PRCP: variants seen among roughly 807,000 people sequenced by gnomAD.
PRCP encodes the protein lysosomal Pro-X carboxypeptidase.
PRCP carries 46 observed loss-of-function variants against 54.2 expected under a neutral mutation model. The ratio of observed to expected loss-of-function variants is 0.85; its 90% confidence interval spans 0.67 to 1.09. The LOEUF (loss-of-function observed/expected upper bound fraction) is 1.09. Among genes scored for constraint, PRCP ranks in the 50% least tolerant of loss-of-function variants. The probability of loss-of-function intolerance (pLI) is 0.00; values close to 1 mark genes in which losing one functional copy is unlikely to be tolerated. For synonymous variants in PRCP, 240 were observed against 212.2 expected (o/e 1.13, Z -1.14); for missense variants, 613 against 596.8 (o/e 1.03, Z -0.28).
intron 1 of PRCP, among the ~76,000 whole-genome samples, chr11:82,867,724 TTTTG>T (rs1464035546): frequency 1.3e-5 from 2 of 152,156 alleles, no homozygotes; most frequent in Non-Finnish European, 2.9e-5. Context: ...ATTACTTTTT[TTTTG>T]TTTGTTCTCT....
At chr11:82,854,758 C>A (rs1254461410) in intron 2 of PRCP, among the ~76,000 whole-genome samples, 1 of 152,202 alleles carries the variant, frequency 6.6e-6, no homozygotes, top group Non-Finnish European at 1.5e-5. Flanking sequence ...CATCACACTA[C>A]CTGACTTCAA....
chr11:82,835,967 T>A, intron 8 of PRCP: 1 of 293,326 alleles, frequency 3.4e-6, no homozygotes, highest in Non-Finnish European at 6.7e-6. Flanking sequence ...CCGAGTCAGG[T>A]GGATCACAAG....
At chr11:82,844,882 A>G (rs185217180) in intron 6 of PRCP, among the ~76,000 whole-genome samples, 48 of 152,232 alleles carry the variant, frequency 3.2e-4, no homozygotes, top group Admixed American at 9.8e-4. Flanking sequence ...ACAATGCTTA[A>G]ATACACCTGC....
At chr11:82,884,890 A>T in intron 1 of PRCP, 1 of 1,613,148 alleles carries the variant, frequency 6.2e-7, no homozygotes, top group Non-Finnish European at 8.5e-7. Flanking sequence ...AAGGGCCTGC[A>T]GGAAGTAAAG....
At chr11:82,889,451 A>G (rs967574343) in intron 1 of PRCP, among the ~76,000 whole-genome samples, 1 of 152,072 alleles carries the variant, frequency 6.6e-6, no homozygotes, top group African/African-American at 2.4e-5. Flanking sequence ...AGAGAAAGAA[A>G]GAAGAGGAAG....
upstream of PRCP, chr11:82,900,611 C>T (rs571381997): frequency 1.4e-6 from 1 of 708,458 alleles, no homozygotes; most frequent in South Asian, 1.5e-5. Flanking sequence ...ACCGCCTCCA[C>T]TCCACTTTCC....
At chr11:82,838,218 A>T (rs150561697) in intron 8 of PRCP, among the ~76,000 whole-genome samples, 169 bp downstream of exon 8, 1 of 152,182 alleles carries the variant, frequency 6.6e-6, no homozygotes, top group Non-Finnish European at 1.5e-5. Context: ...AGAGCAAAAA[A>T]TCCTATCTCT....
Position 82,869,406 on chromosome 11 carries a change from G to A in PRCP, c.169-9289C>T, listed in dbSNP as rs181837736. 4.3e-3 allele frequency among the ~76,000 whole-genome samples: 655 copies of A among 150,952 alleles called. 3 individuals are homozygous for A. Among genetic ancestry groups the A allele is most frequent in the Non-Finnish European group, 7.1e-3 (479 of 67,696 alleles). ...AGAAGAAAAGAAAGAAGGAAGAAAGGAAGGAAGGAAAGAAAGAAAGCGGTA... is the reference window on the plus strand; with the variant it reads ...AGAAGAAAAGAAAGAAGGAAGAAAGAAAGGAAGGAAAGAAAGAAAGCGGTA... On this transcript the variant is annotated intron_variant, in intron 1 of 8. Coordinates refer to ENST00000313010, the MANE Select transcript of PRCP (RefSeq NM_005040.4).
At chr11:82,826,146 T>C (rs1469041376) in intron 8 of PRCP, 8 of 152,212 alleles carry the variant, frequency 5.3e-5, no homozygotes, top group Admixed American at 5.2e-4. Context: ...GCTCTCAGCC[T>C]CAGGAAACCA....
chr11:82,900,479 C>T, upstream of PRCP: 1 of 1,501,498 alleles, frequency 6.7e-7, no homozygotes, highest in Non-Finnish European at 9.0e-7. Flanking sequence ...AAGCCCTGCC[C>T]AGCCTGCAGC....
At chr11:82,856,533 C>T (rs1446898245) in intron 2 of PRCP, among the ~76,000 whole-genome samples, 2 of 152,042 alleles carry the variant, frequency 1.3e-5, no homozygotes, top group Non-Finnish European at 2.9e-5. Context: ...GCTAATAGTG[C>T]AGGGAGTGTG....
intron 1 of PRCP, among the ~76,000 whole-genome samples, chr11:82,875,335 G>C (rs989388221): frequency 2.6e-5 from 4 of 152,212 alleles, no homozygotes; most frequent in Admixed American, 2.0e-4. Flanking sequence ...TGAAGACCAA[G>C]TGACCTCACC....
chr11:82,895,982 A>C (rs1352134515), intron 1 of PRCP, among the ~76,000 whole-genome samples: 1 of 152,214 alleles, frequency 6.6e-6, no homozygotes, highest in Non-Finnish European at 1.5e-5. Flanking sequence ...CAACACACAG[A>C]CTTGTAACAG....
chr11:82,848,857 G>A (rs765625287), intron 6 of PRCP, among the ~76,000 whole-genome samples, 192 bp downstream of exon 6: 47 of 152,008 alleles, frequency 3.1e-4, no homozygotes, highest in African/African-American at 9.7e-4. Context: ...GGAAACTGAG[G>A]CTCAGAAAAG....
intron 1 of PRCP, among the ~76,000 whole-genome samples, chr11:82,898,997 AAT>A (rs1860184139): frequency 6.6e-6 from 1 of 152,000 alleles, no homozygotes; most frequent in African/African-American, 2.4e-5. Flanking sequence ...AAAATAAAAA[AAT>A]TTTTAAATTA....
intron 1 of PRCP, among the ~76,000 whole-genome samples, chr11:82,873,653 A>G (rs1023842269): frequency 8.5e-5 from 13 of 152,272 alleles, no homozygotes; most frequent in Admixed American, 2.6e-4. Context: ...TTTAAAAAAG[A>G]AAAAGTACAT....
intron 6 of PRCP, among the ~76,000 whole-genome samples, chr11:82,844,582 C>CA (rs1323005941): frequency 2.6e-5 from 4 of 151,506 alleles, no homozygotes; most frequent in Admixed American, 2.6e-4. Context: ...ACTAAAAATA[C>CA]AAAAATCAGG....
chr11:82,845,121 T>G (rs1858776332), intron 6 of PRCP, among the ~76,000 whole-genome samples: 1 of 151,844 alleles, frequency 6.6e-6, no homozygotes, highest in African/African-American at 2.4e-5. Context: ...GAAAGAGCAT[T>G]AGAAAGTCCA....
chr11:82,827,122 T>G (rs1299248668), intron 8 of PRCP: 1 of 152,218 alleles, frequency 6.6e-6, no homozygotes. Flanking sequence ...AAACTCCGTT[T>G]TGCTGGTATT....
Sources: allele counts gnomAD v4.1 joint callset (sites outside exome capture counted in the v4.1 genomes callset), GRCh38; gene constraint gnomAD v4.1.1; transcripts MANE v1.5; gene names NCBI Gene and HGNC (gene_info 2026-07-23, HGNC 2026-07-21).